Variants in TSC22D1 observed in about 807,000 individuals in gnomAD.
TSC22D1 encodes TSC22 domain family member 1.
A neutral mutation model predicts 74.2 loss-of-function variants in TSC22D1; 9 were observed. That is an observed-to-expected ratio of 0.12 (90% CI 0.07 to 0.21). The LOEUF is 0.21. Among genes scored for constraint, TSC22D1 ranks in the 10% least tolerant of loss-of-function variants. TSC22D1 has a pLI of 1.00. For synonymous variants in TSC22D1, 586 were observed against 492.5 expected, an observed-to-expected ratio of 1.19 and a Z score of -2.51; for missense variants, 1,427 against 1,304.7, an observed-to-expected ratio of 1.09 and a Z score of -1.44.
Position 44,434,912 on chromosome 13 carries a change from C to A in TSC22D1, c.2965-29G>T, listed in dbSNP as rs776704539. On this transcript the variant is annotated intron_variant, in intron 2 of 2. Transcript: ENST00000458659. Reference sequence around the variant, plus strand: ...GAAAGAAGACAGAAAAGGTTTAACTCATTATTTGGTATTTTCTGGACTCTT... The same window carrying A: ...GAAAGAAGACAGAAAAGGTTTAACTAATTATTTGGTATTTTCTGGACTCTT... 1.5e-5 allele frequency: 23 copies of A among 1,572,562 alleles called. No individual in the cohort carries two copies. In the South Asian group the frequency reaches 2.3e-4, roughly 16 times the overall value.
At chr13:44,464,630 C>T (rs1218311148) in intron 1 of TSC22D1, among the ~76,000 whole-genome samples, 1 of 152,086 alleles carries the variant, frequency 6.6e-6, no homozygotes, top group Non-Finnish European at 1.5e-5. Flanking sequence ...GGGTTTTTTC[C>T]TTCACAAGAG....
intron 1 of TSC22D1, among the ~76,000 whole-genome samples, chr13:44,477,929 C>T (rs1302100042): frequency 6.6e-6 from 1 of 152,142 alleles, no homozygotes; most frequent in Non-Finnish European, 1.5e-5. Flanking sequence ...GCGTGAGCCA[C>T]TGCGCCCAGC....
Position 44,434,274 on chromosome 13 carries a change from C to T in TSC22D1, c.*352G>A, listed in dbSNP as rs1595071564. The T allele has an allele frequency of 3.6e-6, 5 of 1,388,192 alleles. No individual in the cohort carries two copies. In the East Asian group the frequency reaches 1.4e-4, roughly 40 times the overall value. 86.0% of individuals were successfully genotyped at this position (1,388,192 alleles called of 1,614,324 possible). The stretch of plus-strand genomic sequence containing the variant: ...CCCCATGTAGGACACTAAGCGCAAG[C>T]AGGAGAGAGAACCCTTGGAAGTGAG... On this transcript the variant is annotated 3_prime_UTR_variant, in exon 3 of 3. Transcript: ENST00000458659.
In TSC22D1 at chr13:44,573,538, G is replaced by A. The variant is rs1883931459; in HGVS notation, c.2537C>T (p.Ser846Phe). ...TGGTGGAACCAAGTTTGTTGGGGCAGAAGGCATTCCAGAAGGACCAGTTGA... is the reference window on the plus strand; with the variant it reads ...TGGTGGAACCAAGTTTGTTGGGGCAAAAGGCATTCCAGAAGGACCAGTTGA... ...VSSTGPSGMP[S>F]APTNLVPPQN... The change falls in exon 1 of 3, where the codon TCT (serine) becomes TTT (phenylalanine). Residue 846 changes from serine to phenylalanine, a missense_variant. Physicochemically the swap from Ser to Phe is radical, Grantham distance 155. Transcript: ENST00000458659. The A allele has an allele frequency of 6.2e-7, 1 of 1,614,144 alleles. No homozygotes were observed. The highest frequency in any genetic ancestry group is 1.7e-5 in the Admixed American group (1 of 60,012).
At chr13:44,545,969 T>A (rs1881798751) in intron 1 of TSC22D1, among the ~76,000 whole-genome samples, 1 of 149,652 alleles carries the variant, frequency 6.7e-6, no homozygotes. Flanking sequence ...AGAGCGAGAC[T>A]CCGTCTCAAA....
At chr13:44,502,906 A>G (rs1298133416) in intron 1 of TSC22D1, among the ~76,000 whole-genome samples, 1 of 152,276 alleles carries the variant, frequency 6.6e-6, no homozygotes, top group African/African-American at 2.4e-5. Flanking sequence ...ACATGCATAC[A>G]TTTGTATACA....
intron 1 of TSC22D1, among the ~76,000 whole-genome samples, chr13:44,540,501 T>C (rs543904433): frequency 6.6e-6 from 1 of 152,306 alleles, no homozygotes; most frequent in South Asian, 2.1e-4. Flanking sequence ...TGAAAGCTTA[T>C]GACTACTGTC....
intron 1 of TSC22D1, among the ~76,000 whole-genome samples, chr13:44,443,795 G>A (rs1257476689): frequency 6.6e-6 from 1 of 152,150 alleles, no homozygotes; most frequent in Non-Finnish European, 1.5e-5. Flanking sequence ...GAAGGGAGAA[G>A]GGAAATATAC....
intron 1 of TSC22D1, among the ~76,000 whole-genome samples, chr13:44,570,675 C>T (rs978356581): frequency 2.0e-5 from 3 of 152,070 alleles, no homozygotes; most frequent in East Asian, 1.9e-4. Flanking sequence ...GATAACCATC[C>T]TCATCTGTCC....
At chr13:44,569,252 G>A (rs1236856606) in intron 1 of TSC22D1, among the ~76,000 whole-genome samples, 2 of 151,980 alleles carry the variant, frequency 1.3e-5, no homozygotes, top group Non-Finnish European at 2.9e-5. Context: ...ACTAGTAAAT[G>A]ACAAGAAAGA....
intron 1 of TSC22D1, among the ~76,000 whole-genome samples, chr13:44,532,897 G>C (rs865784319): frequency 3.2e-4 from 48 of 152,156 alleles, no homozygotes; most frequent in Admixed American, 1.0e-3. Context: ...TATCTTGAAG[G>C]CTGTCACATT....
chr13:44,474,277 T>C (rs756829606), intron 1 of TSC22D1: 11 of 985,310 alleles, frequency 1.1e-5, no homozygotes, highest in Non-Finnish European at 1.2e-5. Flanking sequence ...GTGGCTTTCT[T>C]GGGCCTCTCT....
chr13:44,458,512 A>G (rs940777245), intron 1 of TSC22D1, among the ~76,000 whole-genome samples: 1 of 152,222 alleles, frequency 6.6e-6, no homozygotes, highest in Non-Finnish European at 1.5e-5. Flanking sequence ...CCAGAGAGAC[A>G]GCAAGGGCCA....
At chr13:44,494,530 C>T (rs1878877316) in intron 1 of TSC22D1, among the ~76,000 whole-genome samples, 1 of 151,512 alleles carries the variant, frequency 6.6e-6, no homozygotes, top group Non-Finnish European at 1.5e-5. Flanking sequence ...TGCATTTCGG[C>T]CTGGGCAACA....
In TSC22D1 at chr13:44,458,926, G is replaced by C. The variant is rs563522889; in HGVS notation, c.2913-22831C>G. Among the ~76,000 whole-genome samples, 4 of 152,310 alleles carry C rather than the reference G, an allele frequency of 2.6e-5. No individual in the cohort carries two copies. The South Asian group carries it at 8.3e-4, about 32-fold the overall frequency. ...CTGCAGGCACCCCTCAGTACGAACAGCCTGGGCACTGTGGATGGCATGTTG... is the reference window on the plus strand; with the variant it reads ...CTGCAGGCACCCCTCAGTACGAACACCCTGGGCACTGTGGATGGCATGTTG... On this transcript the variant is annotated intron_variant, in intron 1 of 2. Transcript: ENST00000458659.
In TSC22D1 at chr13:44,434,198, G is replaced by T. The variant is rs963178526; in HGVS notation, c.*428C>A. ...TACCCTCCTTTCAAGTTCCTCCTGG[G>T]GGGAGGAGAGGAGAGAGGCGAGTCC... On this transcript the variant is annotated 3_prime_UTR_variant, in exon 3 of 3. Transcript: ENST00000458659. 4 of 1,455,066 alleles carry T rather than the reference G, an allele frequency of 2.7e-6. No homozygotes were observed. In the African/African-American group the frequency reaches 4.4e-5, roughly 16 times the overall value. The allele number at this position is 1,455,066 out of a possible 1,614,324, so 90.1% of individuals were successfully genotyped here. A position where few individuals can be genotyped will look rare whatever the true frequency, so the allele number is the denominator to read the frequency against.
chr13:44,573,970 G>A lies in TSC22D1; in HGVS notation c.2105C>T (p.Pro702Leu). Residue 702 changes from proline to leucine, a missense_variant, in exon 1 of 3, where the codon CCA (proline) becomes CTA (leucine). Around this residue, in one of 3 missense-constraint regions of TSC22D1, gnomAD observed 1,343 missense variants for 1,191.5 expected, o/e 1.13. Transcript: ENST00000458659. Reference protein sequence around the residue: ...IQLPVQPTAVPAQPAGASVQP... With the variant: ...IQLPVQPTAVLAQPAGASVQP... ...GACAGATGCCCCTGCAGGTTGTGCT[G>A]GGACTGCTGTGGGCTGCACTGGCAG... The A allele has an allele frequency of 1.2e-6, 2 of 1,614,086 alleles. No homozygotes were observed. The highest frequency in any genetic ancestry group is 1.7e-6 in the Non-Finnish European group (2 of 1,180,042).
At position 44,575,829 on chromosome 13, in the gene TSC22D1, T is replaced by C; in HGVS notation, c.246A>G (p.Pro82=). ...CCTGCGAAAGGAGGTTCAGGCTTTG[T>C]GGAGGCGGAGGCTGTGGTCCCGACG... ...SSTSGPQPPP[P]QSLNLLSQAQ... Residue 82 remains proline, a synonymous_variant, in exon 1 of 3, where the codon CCA becomes CCG. Coordinates refer to ENST00000458659, the MANE Select transcript of TSC22D1 (RefSeq NM_183422.4). 6.2e-7 allele frequency: 1 copy of C among 1,613,820 alleles called. No individual in the cohort carries two copies. The highest frequency in any genetic ancestry group is 8.5e-7 in the Non-Finnish European group (1 of 1,179,936).
intron 1 of TSC22D1, among the ~76,000 whole-genome samples, chr13:44,460,780 G>A (rs1876956616): frequency 6.6e-6 from 1 of 152,154 alleles, no homozygotes; most frequent in African/African-American, 2.4e-5. Flanking sequence ...TCCCACCACA[G>A]CTCCTTTCCA....
Sources: gnomAD v4.1 joint callset for allele counts (sites outside exome capture counted in the v4.1 genomes callset) on GRCh38, gnomAD v4.1.1 for gene constraint, gnomAD v4.1.1 regional missense constraint, MANE v1.5 for transcripts, NCBI Gene and HGNC (gene_info 2026-07-23, HGNC 2026-07-21) for gene names.